The following REL variants were observed in gnomAD, a reference collection of about 807,000 sequenced individuals.
The protein encoded by REL is REL proto-oncogene, NF-kB subunit, also known as proto-oncogene c-Rel.
In REL, 15 loss-of-function variants were observed where a neutral mutation model predicts 45.9. The observed-to-expected ratio is 0.33, with a 90% confidence interval of 0.22 to 0.50. The LOEUF (loss-of-function observed/expected upper bound fraction) is 0.50. REL is among the 20% of genes least tolerant of loss of function. The probability of loss-of-function intolerance (pLI) is 0.98; values close to 1 mark genes in which losing one functional copy is unlikely to be tolerated. For missense variants in REL, 601 were observed against 715.2 expected, an observed-to-expected ratio of 0.84 and a Z score of 1.82; for synonymous variants, 239 against 242.1, an observed-to-expected ratio of 0.99 and a Z score of 0.12.
chr2:60,917,162 A>C (rs566781396), intron 5 of REL, 145 bp downstream of exon 5: 7 of 677,840 alleles, frequency 1.0e-5, no homozygotes, highest in Non-Finnish European at 1.7e-5. Context: ...ACAGAAAGGA[A>C]ATCTTCTCTA....
chr2:60,893,406 A>C (rs1287251238), intron 2 of REL, among the ~76,000 whole-genome samples: 8 of 152,202 alleles, frequency 5.3e-5, no homozygotes, highest in Admixed American at 4.6e-4. Context: ...GTTAAAATGG[A>C]TGAGATGCTA....
chr2:60,895,855 A>G (rs1406993931), intron 3 of REL, among the ~76,000 whole-genome samples: 1 of 152,218 alleles, frequency 6.6e-6, no homozygotes, highest in Non-Finnish European at 1.5e-5. Flanking sequence ...GCTAGAAGCA[A>G]TCCAAATAGT....
At chr2:60,917,678 TACTG>T (rs1261266331) in intron 5 of REL, among the ~76,000 whole-genome samples, 1 of 130,930 alleles carries the variant, frequency 7.6e-6, no homozygotes, top group African/African-American at 2.9e-5. Context: ...TCCCCCAAAA[TACTG>T]TGTGTGTGTG....
chr2:60,922,121 A>T lies in REL; in HGVS notation c.1350A>T (p.Leu450Phe). ...MEASSMPSAD[L>F]YGISDPNMLS... is the part of the protein sequence containing the mutation. ...CGTCATCCATGCCATCAGCAGATTT[A>T]TATGGTATTTCTGATCCCAACATGC... The change falls in exon 10 of 10, where the codon TTA (leucine) becomes TTT (phenylalanine). Residue 450 changes from leucine (L) to phenylalanine (F), a missense_variant. Physicochemically the swap from Leu to Phe is conservative, Grantham distance 22 (BLOSUM62 0). Coordinates refer to ENST00000394479, the MANE Select transcript of REL (RefSeq NM_001291746.2). 1 of 1,614,182 alleles carries T rather than the reference A, an allele frequency of 6.2e-7. No individual in the cohort carries two copies. The highest frequency in any genetic ancestry group is 8.5e-7 in the Non-Finnish European group (1 of 1,180,022).
rs912389446 is a variant in REL at position 60,922,834 on chromosome 2, AG to A, written c.*301del. ...CAAGGCGGGTGGATCACTTGAGACC[AG>A]GAATTCGAGACCAGCCTGGCCAACA... is the stretch of plus-strand genomic sequence containing the variant. On this transcript the variant is annotated 3_prime_UTR_variant, in exon 10 of 10. Transcript: ENST00000394479. 2 of 589,236 alleles carry A rather than the reference AG, an allele frequency of 3.4e-6. No individual in the cohort carries two copies. The allele number at this position is 589,236 out of a possible 1,614,324, so 36.5% of individuals were successfully genotyped here. A position where few individuals can be genotyped will look rare whatever the true frequency, so the allele number is the denominator to read the frequency against.
At chr2:60,911,265 A>T (rs1673805098) in intron 4 of REL, 1 of 152,198 alleles carries the variant, frequency 6.6e-6, no homozygotes, top group Non-Finnish European at 1.5e-5. Context: ...AACCCAAAAG[A>T]TATATAAATG....
chr2:60,917,063 G>T, intron 5 of REL, 46 bp downstream of exon 5: 1 of 1,497,758 alleles, frequency 6.7e-7, no homozygotes, highest in Non-Finnish European at 9.1e-7. Flanking sequence ...CTTGTTTTTT[G>T]TAATAGTTTA....
chr2:60,887,926 TTTTG>T (rs1403862093), intron 1 of REL, among the ~76,000 whole-genome samples: 1 of 151,304 alleles, frequency 6.6e-6, no homozygotes, highest in Non-Finnish European at 1.5e-5. Flanking sequence ...TGTTTTTGTG[TTTTG>T]TTTGTTTTTT....
At chr2:60,912,450 TATG>T (rs1211592885) in intron 4 of REL, among the ~76,000 whole-genome samples, 1 of 152,150 alleles carries the variant, frequency 6.6e-6, no homozygotes, top group Non-Finnish European at 1.5e-5. Context: ...TTGGTTTTAT[TATG>T]GTGTTGTTTC....
intron 4 of REL, among the ~76,000 whole-genome samples, chr2:60,904,902 A>G (rs1485854621): frequency 6.6e-6 from 1 of 152,110 alleles, no homozygotes; most frequent in African/African-American, 2.4e-5. Context: ...AGTAAAGAAA[A>G]GGAAAGTAAT....
intron 1 of REL, among the ~76,000 whole-genome samples, chr2:60,890,324 A>G (rs1472791465): frequency 6.6e-6 from 1 of 152,196 alleles, no homozygotes; most frequent in Non-Finnish European, 1.5e-5. Flanking sequence ...AGGTGCTATT[A>G]TGATTATTCC....
chr2:60,901,676 T>C (rs554352761), intron 4 of REL, among the ~76,000 whole-genome samples: 35 of 152,208 alleles, frequency 2.3e-4, no homozygotes, highest in Non-Finnish European at 4.6e-4. Flanking sequence ...GAACATGGCC[T>C]TCCTTATGCC....
rs1218920989 is a variant in REL at position 60,929,440 on chromosome 2, G to A, written c.*6905G>A. The A allele has an allele frequency of 1.2e-4, 18 of 145,018 alleles. No individual in the cohort carries two copies. The highest frequency in any genetic ancestry group is 3.5e-3 in the Middle Eastern group (1 of 284). 9.0% of individuals were successfully genotyped at this position (145,018 alleles called of 1,614,324 possible). ...CCAACCCAAATGTCCAACAATGATA[G>A]ACTGGATTAAGAAAATGTGGCACAT... is the stretch of plus-strand genomic sequence containing the variant. On this transcript the variant is annotated 3_prime_UTR_variant, in exon 10 of 10. Transcript: ENST00000394479.
chr2:60,891,152 A>C (rs1049508655), intron 1 of REL, among the ~76,000 whole-genome samples: 2 of 152,112 alleles, frequency 1.3e-5, no homozygotes, highest in Non-Finnish European at 2.9e-5. Flanking sequence ...ATTTGAATGG[A>C]GATATAAAAA....
intron 4 of REL, among the ~76,000 whole-genome samples, chr2:60,901,816 T>C (rs556735660): frequency 2.6e-5 from 4 of 152,312 alleles, no homozygotes; most frequent in African/African-American, 9.6e-5. Context: ...ATAGAAATAA[T>C]AGAAATCACA....
At chr2:60,917,773 C>G (rs375978171) in intron 5 of REL, among the ~76,000 whole-genome samples, 78 of 148,042 alleles carry the variant, frequency 5.3e-4, no homozygotes, top group African/African-American at 1.8e-3. Flanking sequence ...GTATGATATA[C>G]CTGTTTTATG....
At chr2:60,901,133 G>GT (rs1673483732) in intron 4 of REL, 50 bp downstream of exon 4, 1 of 1,028,944 alleles carries the variant, frequency 9.7e-7, no homozygotes, top group Non-Finnish European at 1.3e-6. Flanking sequence ...GTTGATTTCT[G>GT]TTTCTTTTTT....
Position 60,921,865 on chromosome 2 carries a change from G to A in REL, c.1094G>A (p.Gly365Glu), listed in dbSNP as rs1166562398. Residue 365 changes from glycine (G) to glutamate (E), a missense_variant, in exon 10 of 10, where the codon GGA becomes GAA. Gly to Glu is a moderately conservative substitution (Grantham distance 98). Around this residue, in one of 4 missense-constraint regions of REL, gnomAD observed 334 missense variants for 333.1 expected, o/e 1.00. Transcript: ENST00000394479. The part of the protein sequence containing the change: ...YYPSPGPISS[G>E]LSHHASMAPL... ...CCCTCACCTGGGCCCATCTCAAGTG[G>A]ATTGTCACATCATGCCTCAATGGCA... 1 of 1,614,036 alleles carries A rather than the reference G, an allele frequency of 6.2e-7. No individual in the cohort carries two copies. Among genetic ancestry groups the A allele is most frequent in the South Asian group, 1.1e-5 (1 of 91,080 alleles).
At chr2:60,895,182 C>CTTA (rs948331599) in intron 3 of REL, among the ~76,000 whole-genome samples, 16 of 151,090 alleles carry the variant, frequency 1.1e-4, no homozygotes, top group African/African-American at 2.4e-4. Context: ...TTATAGTTAA[C>CTTA]TTATTATTAT....
Sources: gnomAD v4.1 joint callset for allele counts (sites outside exome capture counted in the v4.1 genomes callset) on GRCh38, gnomAD v4.1.1 for gene constraint, gnomAD v4.1.1 regional missense constraint, MANE v1.5 for transcripts, NCBI Gene and HGNC (gene_info 2026-07-23, HGNC 2026-07-21) for gene names.